Variants in ANKS1B observed in about 807,000 individuals in gnomAD.
The protein encoded by ANKS1B is ankyrin repeat and sterile alpha motif domain containing 1B, also known as ankyrin repeat and sterile alpha motif domain-containing protein 1B.
ANKS1B carries 36 observed loss-of-function variants against 148.3 expected under a neutral mutation model. The ratio of observed to expected loss-of-function variants is 0.24; its 90% CI spans 0.19 to 0.32. The LOEUF is 0.32. ANKS1B is among the 10% of genes least tolerant of loss of function. The probability of loss-of-function intolerance (pLI) is 1.00; values close to 1 mark genes in which losing one functional copy is unlikely to be tolerated. For missense variants in ANKS1B, 1,157 were observed against 1,542.6 expected (o/e 0.75, Z 4.19); for synonymous variants, 542 against 560.8 (o/e 0.97, Z 0.47).
chr12:99,515,677 G>A (rs982185447), intron 9 of ANKS1B, among the ~76,000 whole-genome samples: 1 of 151,954 alleles, frequency 6.6e-6, no homozygotes, highest in Non-Finnish European at 1.5e-5. Flanking sequence ...TCCTTTGGGG[G>A]TGGGGGGTGT....
At chr12:99,587,023 T>A (rs1356983327) in intron 9 of ANKS1B, among the ~76,000 whole-genome samples, 1 of 152,036 alleles carries the variant, frequency 6.6e-6, no homozygotes, top group Non-Finnish European at 1.5e-5. Flanking sequence ...ACTAAGAGGA[T>A]TTTGATTGAT....
intron 8 of ANKS1B, among the ~76,000 whole-genome samples, chr12:99,687,499 T>G (rs61940276): frequency 0.011 from 1,655 of 152,316 alleles, 19 homozygotes; most frequent in Non-Finnish European, 0.019. Flanking sequence ...TGCTCACTGA[T>G]GCTCTGTTCT....
chr12:99,894,746 T>C (rs1000159428), intron 1 of ANKS1B, among the ~76,000 whole-genome samples: 9 of 149,414 alleles, frequency 6.0e-5, no homozygotes, highest in Admixed American at 5.4e-4. Flanking sequence ...CAACAATTCA[T>C]TATATCCAAC....
At chr12:99,908,505 G>A (rs149648221) in intron 1 of ANKS1B, among the ~76,000 whole-genome samples, 115 of 152,174 alleles carry the variant, frequency 7.6e-4, no homozygotes, top group Non-Finnish European at 1.4e-3. Context: ...ACCCAAGCCC[G>A]GGGAAGTCAA....
chr12:98,802,942 A>T (rs775797822), intron 20 of ANKS1B, among the ~76,000 whole-genome samples: 11 of 151,932 alleles, frequency 7.2e-5, no homozygotes, highest in Middle Eastern at 3.2e-3. Context: ...TATTGTTAAG[A>T]CTTTACTTGC....
intron 11 of ANKS1B, among the ~76,000 whole-genome samples, chr12:99,408,658 A>C (rs1217811545): frequency 1.4e-5 from 2 of 146,320 alleles, no homozygotes; most frequent in Admixed American, 6.8e-5. Flanking sequence ...AAGGAAAAAA[A>C]ATCTAAGAAT....
intron 26 of ANKS1B, among the ~76,000 whole-genome samples, chr12:98,746,831 T>C (rs1023119487): frequency 2.6e-5 from 4 of 152,168 alleles, no homozygotes; most frequent in Non-Finnish European, 5.9e-5. Context: ...TTGAAGTAGA[T>C]GAAACAGCAC....
At chr12:99,269,977 T>C (rs2153987578) in intron 12 of ANKS1B, among the ~76,000 whole-genome samples, 1 of 152,330 alleles carries the variant, frequency 6.6e-6, no homozygotes, top group East Asian at 1.9e-4. Flanking sequence ...GTGAGAATTT[T>C]TGGCATTAAA....
At position 99,195,781 on chromosome 12, in the gene ANKS1B, A is replaced by G. The variant is rs564943236; in HGVS notation, c.2420-41386T>C. On this transcript the variant is annotated intron_variant, in intron 14 of 26. Coordinates refer to ENST00000683438, the MANE Select transcript of ANKS1B (RefSeq NM_001352186.2). ...AGAAAAGGAAATCTAATGGTCCATGATAGTAAAAATGCACATGCAATTGGT... is the reference window on the plus strand; with the variant it reads ...AGAAAAGGAAATCTAATGGTCCATGGTAGTAAAAATGCACATGCAATTGGT... Among the ~76,000 whole-genome samples the G allele has an allele frequency of 2.0e-5, 3 of 152,284 alleles. No homozygotes were observed. The South Asian group carries it at 6.2e-4, about 32-fold the overall frequency.
At chr12:99,369,843 C>T (rs986964145) in intron 12 of ANKS1B, among the ~76,000 whole-genome samples, 2 of 138,518 alleles carry the variant, frequency 1.4e-5, no homozygotes, top group Admixed American at 7.4e-5. Flanking sequence ...GACAGACAGA[C>T]AGAGACAGAT....
intron 9 of ANKS1B, among the ~76,000 whole-genome samples, chr12:99,570,065 G>T (rs2097435966): frequency 6.6e-6 from 1 of 152,086 alleles, no homozygotes. Context: ...GTATCTTTTG[G>T]TTGCTCTGGT....
chr12:99,053,446 C>A, intron 16 of ANKS1B, 137 bp from the exon 17 acceptor site: 1 of 634,476 alleles, frequency 1.6e-6, no homozygotes, highest in Non-Finnish European at 2.4e-6. Context: ...AAAGAAAACA[C>A]TTTCTGATGT....
rs2097864142 is a variant in ANKS1B at position 98,745,649 on chromosome 12, T to C, written c.*90A>G. On this transcript the variant is annotated 3_prime_UTR_variant, in exon 27 of 27. Coordinates refer to ENST00000683438, the MANE Select transcript of ANKS1B (RefSeq NM_001352186.2). ...CGCACGCTCAGAGCAGTCTTCCTCCTGGGCTGGGTGGACGCGGAGGCGCGA... is the reference window on the plus strand; with the variant it reads ...CGCACGCTCAGAGCAGTCTTCCTCCCGGGCTGGGTGGACGCGGAGGCGCGA... The C allele has an allele frequency of 1.3e-6, 2 of 1,549,970 alleles. No homozygotes were observed. Among genetic ancestry groups the C allele is most frequent in the Non-Finnish European group, 1.7e-6 (2 of 1,147,520 alleles).
intron 9 of ANKS1B, among the ~76,000 whole-genome samples, chr12:99,635,709 T>C (rs1324000928): frequency 1.3e-5 from 2 of 152,102 alleles, no homozygotes; most frequent in African/African-American, 2.4e-5. Flanking sequence ...ATTACCACTA[T>C]TGAACTGTAC....
intron 1 of ANKS1B, among the ~76,000 whole-genome samples, chr12:99,902,274 C>G (rs1254140209): frequency 6.6e-6 from 1 of 151,982 alleles, no homozygotes; most frequent in African/African-American, 2.4e-5. Context: ...GAAGATCATT[C>G]CAGGAAGAGG....
intron 1 of ANKS1B, among the ~76,000 whole-genome samples, chr12:99,848,305 G>T (rs2087053035): frequency 6.6e-6 from 1 of 152,174 alleles, no homozygotes; most frequent in African/African-American, 2.4e-5. Context: ...ATGGGGGCCA[G>T]GGACAGAGGG....
intron 10 of ANKS1B, among the ~76,000 whole-genome samples, chr12:99,482,893 A>G (rs1224103912): frequency 1.3e-5 from 2 of 151,984 alleles, no homozygotes; most frequent in Non-Finnish European, 2.9e-5. Context: ...TGTTTATCAA[A>G]TCCAGGAGTC....
intron 9 of ANKS1B, among the ~76,000 whole-genome samples, chr12:99,601,323 T>C (rs2097797882): frequency 6.6e-6 from 1 of 152,138 alleles, no homozygotes; most frequent in South Asian, 2.1e-4. Context: ...CTTACCAATA[T>C]AGTTTTGTTT....
Position 98,840,493 on chromosome 12 carries a change from G to A in ANKS1B, c.2779-8357C>T, listed in dbSNP as rs569514787. Among the ~76,000 whole-genome samples, 12 of 152,302 alleles carry A rather than the reference G, an allele frequency of 7.9e-5. No individual in the cohort carries two copies. The East Asian group carries it at 1.9e-3, about 24-fold the overall frequency. On this transcript the variant is annotated intron_variant, in intron 17 of 26. Transcript: ENST00000683438. ...AGAGCAAAGGATAGTGAGAAAGAGCGAGGGAGGAGGAATGCGTGTTTTCTG... is the reference window on the plus strand; with the variant it reads ...AGAGCAAAGGATAGTGAGAAAGAGCAAGGGAGGAGGAATGCGTGTTTTCTG...
Sources: gnomAD v4.1 joint callset for allele counts (sites outside exome capture counted in the v4.1 genomes callset) on GRCh38, gnomAD v4.1.1 for gene constraint, MANE v1.5 for transcripts, NCBI Gene and HGNC (gene_info 2026-07-23, HGNC 2026-07-21) for gene names.